Variants in ATXN3 observed in about 807,000 individuals in gnomAD.
ATXN3 encodes the protein ataxin-3.
In ATXN3, 28 loss-of-function variants were observed where a neutral mutation model predicts 58.2. The ratio of observed to expected loss-of-function variants is 0.48; its 90% CI spans 0.36 to 0.66. The LOEUF (loss-of-function observed/expected upper bound fraction) is 0.66. Ranked by LOEUF, ATXN3 falls within the 30% of genes least tolerant of loss-of-function variation. The probability of loss-of-function intolerance (pLI) is 0.00; values close to 1 mark genes in which losing one functional copy is unlikely to be tolerated. For synonymous variants in ATXN3, 113 were observed against 138.5 expected, an observed-to-expected ratio of 0.82 and a Z score of 1.29; for missense variants, 321 against 422.1, an observed-to-expected ratio of 0.76 and a Z score of 2.10.
At chr14:92,070,880 T>C in intron 10 of ATXN3, 55 bp downstream of exon 10, 1 of 1,613,938 alleles carries the variant, frequency 6.2e-7, no homozygotes, top group Non-Finnish European at 8.5e-7. Context: ...ATGGAGCTCG[T>C]ATGTCAGATA....
At position 92,059,929 on chromosome 14, in the gene ATXN3, CTT is replaced by C. The variant is rs1161323208; in HGVS notation, c.*4389_*4390del. ...CAAACCTTTAAGATGGAGTTTTACTCTTGTTGCCCAGGCTAGAGTGCAATGGC... is the reference window on the plus strand; with the variant it reads ...CAAACCTTTAAGATGGAGTTTTACTCGTTGCCCAGGCTAGAGTGCAATGGC... On this transcript the variant is annotated 3_prime_UTR_variant, in exon 11 of 11. Transcript: ENST00000644486. 3 of 151,148 alleles carry C rather than the reference CTT, an allele frequency of 2.0e-5. No homozygotes were observed. The highest frequency in any genetic ancestry group is 2.0e-4 in the East Asian group (1 of 5,112). The allele number at this position is 151,148 out of a possible 1,614,324, so 9.4% of individuals were successfully genotyped here.
At chr14:92,094,303 T>C (rs781273115) in intron 3 of ATXN3, among the ~76,000 whole-genome samples, 1 of 152,156 alleles carries the variant, frequency 6.6e-6, no homozygotes, top group Non-Finnish European at 1.5e-5. Context: ...AAAAAACACA[T>C]ATATATTAGA....
chr14:92,065,580 G>A (rs1425042785), intron 10 of ATXN3, among the ~76,000 whole-genome samples: 1 of 152,012 alleles, frequency 6.6e-6, no homozygotes, highest in Admixed American at 6.6e-5. Context: ...TCAGTTGTAG[G>A]ACTAAATAAT....
rs145019811 is a variant in ATXN3, at chr14:92,062,256, CAAA to C, written c.*2061_*2063del. On this transcript the variant is annotated 3_prime_UTR_variant, in exon 11 of 11. Transcript: ENST00000644486. The stretch of plus-strand genomic sequence containing the variant: ...TGGGAGACATAGCAAGACTCCGTCT[CAAA>C]AAAAAACAAAAACAAAAACAAAAAC... 1 of 147,982 alleles carries C rather than the reference CAAA, an allele frequency of 6.8e-6. No homozygotes were observed. Among genetic ancestry groups the C allele is most frequent in the Non-Finnish European group, 1.5e-5 (1 of 66,984 alleles). The allele number at this position is 147,982 out of a possible 1,614,324, so 9.2% of individuals were successfully genotyped here. A position where few individuals can be genotyped will look rare whatever the true frequency, so the allele number is the denominator to read the frequency against.
At chr14:92,070,655 GTTAAAGTATTCA>G (rs979504537) in intron 10 of ATXN3, 3 of 797,180 alleles carry the variant, frequency 3.8e-6, no homozygotes, top group Non-Finnish European at 5.7e-6. Context: ...AAATTATTAT[GTTAAAGTATTCA>G]TTAAATGTTC....
intron 9 of ATXN3, chr14:92,080,699 G>C (rs900058959): frequency 4.3e-5 from 17 of 395,640 alleles, no homozygotes; most frequent in African/African-American, 2.7e-4. Context: ...ATGCCCAGCT[G>C]ATTCTTTTGT....
At chr14:92,048,497 G>T (rs1172040145) in intron 1 of ATXN3, among the ~76,000 whole-genome samples, 1 of 152,204 alleles carries the variant, frequency 6.6e-6, no homozygotes, top group Non-Finnish European at 1.5e-5. Flanking sequence ...GCGGTAAAGT[G>T]TCCAAGGGTT....
chr14:92,103,706 A>G (rs901724023), intron 1 of ATXN3, among the ~76,000 whole-genome samples: 12 of 152,242 alleles, frequency 7.9e-5, no homozygotes, highest in African/African-American at 2.4e-4. Flanking sequence ...TATATCAGTG[A>G]GAAACTGTTT....
rs2057717563 is a variant in ATXN3, at chr14:92,060,714, T to C, written c.*3606A>G. The C allele has an allele frequency of 6.6e-6, 1 of 151,840 alleles. No homozygotes were observed. The highest frequency in any genetic ancestry group is 6.6e-5 in the Admixed American group (1 of 15,228). The allele number at this position is 151,840 out of a possible 1,614,324, so 9.4% of individuals were successfully genotyped here. A position where few individuals can be genotyped will look rare whatever the true frequency, so the allele number is the denominator to read the frequency against. ...CAATGGGCCGGTTTTAAGAATTTAG[T>C]AGCTCTTGGCACTAGCATGATTTTT... On this transcript the variant is annotated 3_prime_UTR_variant, in exon 11 of 11. Transcript: ENST00000644486.
chr14:92,092,632 T>C (rs1457021083), intron 5 of ATXN3, among the ~76,000 whole-genome samples: 1 of 152,166 alleles, frequency 6.6e-6, no homozygotes, highest in Non-Finnish European at 1.5e-5. Flanking sequence ...AAAACCCACT[T>C]AAAAGTAACC....
intron 9 of ATXN3, among the ~76,000 whole-genome samples, chr14:92,072,939 A>G (rs2059696629): frequency 6.6e-6 from 1 of 152,228 alleles, no homozygotes; most frequent in Non-Finnish European, 1.5e-5. Context: ...TCTGAGCCAG[A>G]ATACTGACCT....
intron 9 of ATXN3, chr14:92,079,602 T>TGTCTC: frequency 4.9e-6 from 1 of 203,216 alleles, no homozygotes; most frequent in Non-Finnish European, 8.9e-6. Context: ...TTCAGAGACA[T>TGTCTC]TGAAATGTGA....
At chr14:92,044,985 G>T (rs1255791793) in intron 2 of ATXN3, 1 of 152,326 alleles carries the variant, frequency 6.6e-6, no homozygotes, top group Non-Finnish European at 1.5e-5. Context: ...AAGATTAGCA[G>T]CCTGGTGGAT....
At chr14:92,070,615 T>A in intron 10 of ATXN3, 1 of 649,496 alleles carries the variant, frequency 1.5e-6, no homozygotes, top group East Asian at 3.2e-5. Flanking sequence ...TAAGGAATTT[T>A]TGGAGACTGT....
intron 9 of ATXN3, among the ~76,000 whole-genome samples, chr14:92,079,840 C>T (rs1012423446): frequency 8.5e-5 from 13 of 152,132 alleles, no homozygotes; most frequent in Admixed American, 3.3e-4. Context: ...CAGATTCAAG[C>T]GATTCTCCTG....
At chr14:92,070,765 T>G (rs1193936649) in intron 10 of ATXN3, 170 bp downstream of exon 10, 1 of 1,339,168 alleles carries the variant, frequency 7.5e-7, no homozygotes, top group Admixed American at 2.8e-5. Context: ...TTTTTTCTTT[T>G]GGTAACTGCT....
intron 1 of ATXN3, among the ~76,000 whole-genome samples, chr14:92,106,152 G>A (rs2068288714): frequency 6.6e-6 from 1 of 152,178 alleles, no homozygotes; most frequent in Admixed American, 6.5e-5. Context: ...GTGTCCCAGA[G>A]ATGACTCTAG....
intron 5 of ATXN3, among the ~76,000 whole-genome samples, chr14:92,089,879 T>C (rs914710013): frequency 6.6e-6 from 1 of 152,116 alleles, no homozygotes; most frequent in Non-Finnish European, 1.5e-5. Context: ...ATTCCAATTG[T>C]GAGAAAGTCA....
chr14:92,084,505 G>C (rs2140837707), intron 6 of ATXN3, among the ~76,000 whole-genome samples: 1 of 152,058 alleles, frequency 6.6e-6, no homozygotes, highest in Admixed American at 6.5e-5. Flanking sequence ...CAAGCTAGAT[G>C]CTACACACAA....
Sources: gnomAD v4.1 joint callset for allele counts (sites outside exome capture counted in the v4.1 genomes callset) on GRCh38, gnomAD v4.1.1 for gene constraint, MANE v1.5 for transcripts, NCBI Gene and HGNC (gene_info 2026-07-23, HGNC 2026-07-21) for gene names.